RGS6: variants seen among roughly 807,000 people sequenced by gnomAD.
The protein encoded by RGS6 is regulator of G-protein signaling 6.
In RGS6, 30 loss-of-function variants were observed where a neutral mutation model predicts 78.5. That is an observed-to-expected ratio of 0.38 (90% confidence interval 0.29 to 0.52). The LOEUF is 0.52. Ranked by LOEUF, RGS6 falls within the 20% of genes least tolerant of loss-of-function variation. The probability of loss-of-function intolerance (pLI) is 0.85; values close to 1 mark genes in which losing one functional copy is unlikely to be tolerated. For missense variants in RGS6, 495 were observed against 609.7 expected (o/e 0.81, Z 1.98); for synonymous variants, 206 against 206.0 (o/e 1.00, Z 0.00).
intron 2 of RGS6, among the ~76,000 whole-genome samples, chr14:72,146,930 A>G (rs1439004103): frequency 6.6e-6 from 1 of 152,236 alleles, no homozygotes. Flanking sequence ...TCTGCCTTCC[A>G]TAAAGTCCTA....
At chr14:72,253,334 T>C (rs1263010224) in intron 2 of RGS6, among the ~76,000 whole-genome samples, 4 of 152,230 alleles carry the variant, frequency 2.6e-5, no homozygotes, top group African/African-American at 9.6e-5. Flanking sequence ...GCTTTCTTTG[T>C]AGTGTACACC....
At chr14:72,011,752 G>C (rs1318273209) in intron 2 of RGS6, among the ~76,000 whole-genome samples, 1 of 152,048 alleles carries the variant, frequency 6.6e-6, no homozygotes, top group East Asian at 1.9e-4. Flanking sequence ...TAAGAGACTT[G>C]AGCATCTGCA....
At chr14:72,235,877 G>A (rs553250897) in intron 2 of RGS6, among the ~76,000 whole-genome samples, 4 of 152,334 alleles carry the variant, frequency 2.6e-5, no homozygotes, top group African/African-American at 9.6e-5. Context: ...TGCATTTATT[G>A]TATTAGAAAG....
the RGS6 span, chr14:71,908,394 G>A: frequency 3.7e-4 from 56 of 152,344 alleles, no homozygotes; most frequent in African/African-American, 1.3e-3. Flanking sequence ...TTTGAAGCAG[G>A]AGAAATAGGG....
At chr14:72,230,409 A>G (rs987166848) in intron 2 of RGS6, among the ~76,000 whole-genome samples, 1 of 152,202 alleles carries the variant, frequency 6.6e-6, no homozygotes, top group Non-Finnish European at 1.5e-5. Context: ...GTGAAAAGAC[A>G]GGAAGGCAGG....
At chr14:71,986,351 T>A (rs2094709282) in intron 2 of RGS6, among the ~76,000 whole-genome samples, 1 of 152,178 alleles carries the variant, frequency 6.6e-6, no homozygotes, top group Admixed American at 6.5e-5. Flanking sequence ...TGTAACGTTT[T>A]CAGCAGCTGC....
At chr14:72,060,893 A>G (rs1030733369) in intron 2 of RGS6, among the ~76,000 whole-genome samples, 16 of 152,164 alleles carry the variant, frequency 1.1e-4, no homozygotes, top group African/African-American at 9.7e-5. Context: ...GGGTCTATCC[A>G]TTGGTTGCCA....
chr14:72,197,661 G>T (rs776980821), intron 2 of RGS6, among the ~76,000 whole-genome samples: 3 of 152,156 alleles, frequency 2.0e-5, no homozygotes, highest in Non-Finnish European at 4.4e-5. Context: ...CAAATATTCT[G>T]CTTCTCTTGA....
At chr14:72,204,543 A>G (rs1052711364) in intron 2 of RGS6, among the ~76,000 whole-genome samples, 5 of 152,214 alleles carry the variant, frequency 3.3e-5, no homozygotes, top group African/African-American at 4.8e-5. Flanking sequence ...TATGGACAAC[A>G]GGATTTTATG....
intron 2 of RGS6, among the ~76,000 whole-genome samples, chr14:72,170,394 C>T (rs2096995775): frequency 4.6e-5 from 7 of 152,162 alleles, no homozygotes; most frequent in Admixed American, 3.3e-4. Context: ...GTTCCTAGCT[C>T]CCTCACTTTT....
chr14:72,192,829 T>C (rs2097344383), intron 2 of RGS6, among the ~76,000 whole-genome samples: 1 of 152,198 alleles, frequency 6.6e-6, no homozygotes, highest in South Asian at 2.1e-4. Context: ...TTATTAGCCT[T>C]CAGGTTCAAC....
chr14:72,217,883 A>G (rs1054832729), intron 2 of RGS6, among the ~76,000 whole-genome samples: 3 of 152,194 alleles, frequency 2.0e-5, no homozygotes, highest in African/African-American at 7.2e-5. Context: ...ATGTACATCT[A>G]TATATGTATT....
chr14:72,112,434 C>T (rs914379074), intron 2 of RGS6, among the ~76,000 whole-genome samples: 1 of 152,138 alleles, frequency 6.6e-6, no homozygotes, highest in Admixed American at 6.5e-5. Flanking sequence ...TGCTGAGTGG[C>T]AGCAGGGTAG....
the RGS6 span, among the ~76,000 whole-genome samples, chr14:71,878,103 C>T: frequency 1.3e-5 from 2 of 152,190 alleles, no homozygotes; most frequent in African/African-American, 4.8e-5. Flanking sequence ...TGGGAGGTGC[C>T]TCCCAGTTAG....
chr14:72,056,243 C>T (rs765265599), intron 2 of RGS6, among the ~76,000 whole-genome samples: 2 of 152,124 alleles, frequency 1.3e-5, no homozygotes, highest in African/African-American at 4.8e-5. Context: ...ACAGAGCTCC[C>T]TAGGGGACTA....
chr14:72,145,457 C>A (rs1241882431), intron 2 of RGS6, among the ~76,000 whole-genome samples: 1 of 152,142 alleles, frequency 6.6e-6, no homozygotes, highest in African/African-American at 2.4e-5. Flanking sequence ...ATTTCTTTCA[C>A]CATCATAATT....
At chr14:72,596,992 A>G in the RGS6 span, among the ~76,000 whole-genome samples, 1 of 152,134 alleles carries the variant, frequency 6.6e-6, no homozygotes, top group Non-Finnish European at 1.5e-5. Flanking sequence ...TAATCCCAAC[A>G]CTTTGGGATG....
At chr14:72,034,824 C>T (rs1023311563) in intron 2 of RGS6, among the ~76,000 whole-genome samples, 1 of 152,132 alleles carries the variant, frequency 6.6e-6, no homozygotes, top group African/African-American at 2.4e-5. Context: ...TTTTTGATTA[C>T]TTACTTAGTT....
chr14:72,498,049 C>T (rs368645195), intron 13 of RGS6, among the ~76,000 whole-genome samples: 3 of 152,144 alleles, frequency 2.0e-5, no homozygotes, highest in Non-Finnish European at 2.9e-5. Flanking sequence ...CACTGGTGTC[C>T]ATTCTGTGAT....
Sources: allele counts gnomAD v4.1 joint callset (sites outside exome capture counted in the v4.1 genomes callset), GRCh38; gene constraint gnomAD v4.1.1; transcripts MANE v1.5; gene names NCBI Gene and HGNC (gene_info 2026-07-23, HGNC 2026-07-21).